The following MAD1L1 variants were observed in gnomAD, a reference collection of about 807,000 sequenced individuals.
The protein encoded by MAD1L1 is mitotic arrest deficient 1 like 1.
A neutral mutation model predicts 96.9 loss-of-function variants in MAD1L1; 95 were observed. That is an observed-to-expected ratio of 0.98 (90% CI 0.83 to 1.16). The LOEUF (loss-of-function observed/expected upper bound fraction) is 1.16. Ranked by LOEUF, MAD1L1 falls within the 50% of genes most tolerant of loss-of-function variation. The pLI is 0.00. For missense variants in MAD1L1, 1,007 were observed against 954.4 expected (o/e 1.06, Z -0.73); for synonymous variants, 473 against 396.6 (o/e 1.19, Z -2.29).
At chr7:1,850,267 G>C (rs1292178332) in intron 18 of MAD1L1, among the ~76,000 whole-genome samples, 2 of 152,098 alleles carry the variant, frequency 1.3e-5, no homozygotes, top group African/African-American at 4.8e-5. Context: ...GGCCCCTCTG[G>C]ACCCACGCCT....
At chr7:2,082,747 C>T (rs1785716761) in intron 11 of MAD1L1, among the ~76,000 whole-genome samples, 1 of 152,264 alleles carries the variant, frequency 6.6e-6, no homozygotes, top group South Asian at 2.1e-4. Context: ...ATTAGCAGCT[C>T]TGAAGCTGAG....
intron 4 of MAD1L1, among the ~76,000 whole-genome samples, chr7:2,225,082 T>C (rs1017770457): frequency 8.5e-5 from 13 of 152,338 alleles, no homozygotes; most frequent in African/African-American, 3.1e-4. Context: ...TCCCATTTCA[T>C]GCCACCCTCC....
At chr7:2,199,454 C>G (rs538118676) in intron 10 of MAD1L1, among the ~76,000 whole-genome samples, 24 of 152,372 alleles carry the variant, frequency 1.6e-4, no homozygotes, top group African/African-American at 5.8e-4. Context: ...GCGCCACCCC[C>G]ACATGCCCTG....
chr7:2,075,162 G>A (rs1362691583), intron 11 of MAD1L1, among the ~76,000 whole-genome samples: 1 of 152,220 alleles, frequency 6.6e-6, no homozygotes, highest in Non-Finnish European at 1.5e-5. Flanking sequence ...ACCCGAGGAA[G>A]TGGCAATTAG....
intron 18 of MAD1L1, among the ~76,000 whole-genome samples, chr7:1,858,120 T>G (rs1453882653): frequency 2.0e-5 from 3 of 152,210 alleles, no homozygotes; most frequent in African/African-American, 7.2e-5. Context: ...TAAAAGCTGC[T>G]TTAATTTCTT....
chr7:1,955,971 G>T (rs1221760865), intron 16 of MAD1L1, among the ~76,000 whole-genome samples: 2 of 131,454 alleles, frequency 1.5e-5, no homozygotes, highest in South Asian at 5.5e-4. Flanking sequence ...TTGGATGAGG[G>T]CAAGTAAGGT....
chr7:2,208,012 T>C (rs1395975832), intron 10 of MAD1L1, among the ~76,000 whole-genome samples: 1 of 152,146 alleles, frequency 6.6e-6, no homozygotes, highest in Non-Finnish European at 1.5e-5. Flanking sequence ...CAGTATCTGG[T>C]GTCAGAGGCT....
intron 10 of MAD1L1, among the ~76,000 whole-genome samples, chr7:2,205,736 G>C (rs1258918428): frequency 1.3e-5 from 2 of 152,210 alleles, no homozygotes; most frequent in Non-Finnish European, 2.9e-5. Flanking sequence ...GAAGAACCCT[G>C]TTGGGCGATT....
At chr7:2,111,692 G>A (rs149303053) in intron 11 of MAD1L1, among the ~76,000 whole-genome samples, 67 of 152,340 alleles carry the variant, frequency 4.4e-4, no homozygotes, top group African/African-American at 1.5e-3. Context: ...GCCGCACGCT[G>A]GAAAACGCAA....
At chr7:2,129,329 T>G (rs1356334424) in intron 11 of MAD1L1, among the ~76,000 whole-genome samples, 1 of 152,220 alleles carries the variant, frequency 6.6e-6, no homozygotes, top group African/African-American at 2.4e-5. Context: ...CATCTGAATG[T>G]GCTGTGGCAG....
In MAD1L1 at chr7:2,142,751, C is replaced by G. The variant is rs1190855010; in HGVS notation, c.1073+6401G>C. Among the ~76,000 whole-genome samples the G allele has an allele frequency of 6.6e-6, 1 of 152,254 alleles. No individual in the cohort carries two copies. Among genetic ancestry groups the G allele is most frequent in the Non-Finnish European group, 1.5e-5 (1 of 68,048 alleles). On this transcript the variant is annotated intron_variant, in intron 11 of 18. Transcript: ENST00000265854. The surrounding 1 kb of genome is among the most constrained non-coding windows in gnomAD (Gnocchi z 4.7). ...CAACAAGGCCTCTGGCCATGTCAAA[C>G]CCCAGGGGCCCCCTTATGCCGAGAG...
intron 11 of MAD1L1, among the ~76,000 whole-genome samples, chr7:2,072,067 A>T (rs983049775): frequency 6.6e-6 from 1 of 152,248 alleles, no homozygotes; most frequent in Non-Finnish European, 1.5e-5. Flanking sequence ...GGGAATCCCA[A>T]CTGGGTGGTA....
At chr7:1,889,279 G>A (rs547663115) in intron 18 of MAD1L1, among the ~76,000 whole-genome samples, 3 of 152,318 alleles carry the variant, frequency 2.0e-5, no homozygotes, top group East Asian at 1.9e-4. Context: ...CAGTGACACC[G>A]CCAAAGACCA....
intron 10 of MAD1L1, among the ~76,000 whole-genome samples, chr7:2,174,934 C>T (rs1790875843): frequency 6.6e-6 from 1 of 152,214 alleles, no homozygotes; most frequent in Non-Finnish European, 1.5e-5. Context: ...GTGACGGCCA[C>T]CTGTAAGTTT....
chr7:2,039,844 G>A (rs925207274), intron 12 of MAD1L1, among the ~76,000 whole-genome samples: 22 of 151,896 alleles, frequency 1.4e-4, no homozygotes, highest in East Asian at 1.9e-4. Context: ...GAACTTTCAC[G>A]GGGCAAAAAT....
chr7:2,222,834 C>G, intron 4 of MAD1L1, 80 bp from the exon 5 acceptor site: 1 of 1,178,088 alleles, frequency 8.5e-7, no homozygotes, highest in Non-Finnish European at 1.2e-6. Flanking sequence ...ACACCTCTCT[C>G]AGAACATGCC....
intron 12 of MAD1L1, among the ~76,000 whole-genome samples, chr7:2,036,963 A>ACTCCTCCCACAG (rs994339335): frequency 2.0e-5 from 3 of 151,018 alleles, no homozygotes; most frequent in South Asian, 2.1e-4. Context: ...CTCCTCCAGC[A>ACTCCTCCCACAG]CTCCTCCCAC....
intron 11 of MAD1L1, among the ~76,000 whole-genome samples, chr7:2,123,930 AG>A (rs1448015517): frequency 1.2e-4 from 19 of 152,274 alleles, no homozygotes; most frequent in African/African-American, 4.6e-4. Context: ...GAGTCCTGCA[AG>A]GCTGCACACA....
chr7:1,873,145 G>A (rs1292715947), intron 18 of MAD1L1, among the ~76,000 whole-genome samples: 1 of 152,214 alleles, frequency 6.6e-6, no homozygotes, highest in African/African-American at 2.4e-5. Flanking sequence ...TCCAATTCTG[G>A]TGCAGCCTCT....
Sources: gnomAD v4.1 joint callset for allele counts (sites outside exome capture counted in the v4.1 genomes callset) on GRCh38, gnomAD v4.1.1 for gene constraint, Gnocchi (gnomAD v3.1) non-coding constraint, MANE v1.5 for transcripts, NCBI Gene and HGNC (gene_info 2026-07-23, HGNC 2026-07-21) for gene names.